The following CCDC88A variants were observed in gnomAD, a reference collection of about 807,000 sequenced individuals.
CCDC88A encodes girdin.
A neutral mutation model predicts 234.3 loss-of-function variants in CCDC88A; 54 were observed. That is an observed-to-expected ratio of 0.23 (90% CI 0.19 to 0.29). The LOEUF is 0.29. CCDC88A is among the 10% of genes least tolerant of loss of function. CCDC88A has a pLI of 1.00. For synonymous variants in CCDC88A, 753 were observed against 737.8 expected, an observed-to-expected ratio of 1.02 and a Z score of -0.33; for missense variants, 1,832 against 2,123.4, an observed-to-expected ratio of 0.86 and a Z score of 2.70.
chr2:55,396,444 T>TA (rs1047732190), intron 2 of CCDC88A, among the ~76,000 whole-genome samples: 41 of 152,336 alleles, frequency 2.7e-4, no homozygotes, highest in African/African-American at 9.1e-4. Flanking sequence ...ACTTTAGAGA[T>TA]ACCTGGTTTC....
intron 2 of CCDC88A, chr2:55,399,658 T>G (rs1283012150): frequency 1.3e-5 from 2 of 152,206 alleles, no homozygotes; most frequent in Non-Finnish European, 2.9e-5. Flanking sequence ...AAAACATTTT[T>G]TAAGGACTTT....
At chr2:55,327,313 T>A (rs879651420) in intron 17 of CCDC88A, among the ~76,000 whole-genome samples, 3 of 152,140 alleles carry the variant, frequency 2.0e-5, no homozygotes, top group Admixed American at 2.0e-4. Flanking sequence ...CAGCCCTATC[T>A]CTGAACTTCT....
At chr2:55,353,893 C>T (rs377590650) in intron 8 of CCDC88A, among the ~76,000 whole-genome samples, 1 of 152,104 alleles carries the variant, frequency 6.6e-6, no homozygotes, top group Non-Finnish European at 1.5e-5. Flanking sequence ...TACACTCTAA[C>T]GAGTTAGGCG....
Position 55,355,770 on chromosome 2 carries a change from T to A in CCDC88A, c.628-19A>T. On this transcript the variant is annotated intron_variant, in intron 7 of 32. Coordinates refer to ENST00000436346, the MANE Select transcript of CCDC88A (RefSeq NM_001365480.1). ...TGATAGTCTAGAAATACACACAGAA[T>A]CACTTTCAGTATTCTACATATTAGC... The A allele has an allele frequency of 1.3e-6, 2 of 1,594,754 alleles. No homozygotes were observed. The highest frequency in any genetic ancestry group is 1.7e-6 in the Non-Finnish European group (2 of 1,163,908).
intron 7 of CCDC88A, among the ~76,000 whole-genome samples, chr2:55,357,308 A>ATTCCTTCC (rs35015971): frequency 9.0e-4 from 132 of 145,914 alleles, no homozygotes; most frequent in East Asian, 1.9e-3. Context: ...CATCTCAAAA[A>ATTCCTTCC]TTCCTTCCTT....
intron 29 of CCDC88A, 200 bp from the exon 30 acceptor site, chr2:55,296,723 T>C (rs1680070677): frequency 6.7e-6 from 4 of 592,594 alleles, no homozygotes; most frequent in Non-Finnish European, 2.9e-6. Context: ...CCTTATTTTG[T>C]CAAACTGACA....
At chr2:55,393,320 A>G (rs1226507776) in intron 2 of CCDC88A, among the ~76,000 whole-genome samples, 1 of 109,566 alleles carries the variant, frequency 9.1e-6, no homozygotes, top group Non-Finnish European at 1.8e-5. Flanking sequence ...TTTGCGACAG[A>G]GTCCCAGTCT....
intron 3 of CCDC88A, among the ~76,000 whole-genome samples, chr2:55,384,532 C>CACAT (rs1558787609): frequency 2.9e-5 from 1 of 33,966 alleles, no homozygotes; most frequent in South Asian, 8.7e-4. Flanking sequence ...TATATATATA[C>CACAT]ATATATACGT....
chr2:55,374,643 C>T (rs1673343098), intron 4 of CCDC88A, among the ~76,000 whole-genome samples, 171 bp downstream of exon 4: 1 of 152,124 alleles, frequency 6.6e-6, no homozygotes, highest in Non-Finnish European at 1.5e-5. Context: ...TTACCTATAA[C>T]TTACAAATAT....
chr2:55,304,041 G>C (rs1681222473), intron 25 of CCDC88A, among the ~76,000 whole-genome samples: 1 of 152,208 alleles, frequency 6.6e-6, no homozygotes, highest in Non-Finnish European at 1.5e-5. Context: ...AGGAATGGTA[G>C]CTTCTGCCTG....
chr2:55,415,344 G>T (rs967021393), intron 2 of CCDC88A, among the ~76,000 whole-genome samples: 1 of 152,092 alleles, frequency 6.6e-6, no homozygotes, highest in Non-Finnish European at 1.5e-5. Flanking sequence ...ATTTCTACTG[G>T]TGGCCAGAGA....
intron 17 of CCDC88A, chr2:55,323,441 A>G (rs1332005016): frequency 6.6e-6 from 1 of 152,230 alleles, no homozygotes; most frequent in Non-Finnish European, 1.5e-5. Flanking sequence ...CCAATGAGTT[A>G]GAAAATAATG....
At position 55,325,708 on chromosome 2, in the gene CCDC88A, T is replaced by C. The variant is rs750329693; in HGVS notation, c.2997+2586A>G. Among the ~76,000 whole-genome samples, 6 of 152,234 alleles carry C rather than the reference T, an allele frequency of 3.9e-5. No individual in the cohort carries two copies. The East Asian group carries it at 5.8e-4, about 15-fold the overall frequency. On this transcript the variant is annotated intron_variant, in intron 17 of 32. Coordinates refer to ENST00000436346, the MANE Select transcript of CCDC88A (RefSeq NM_001365480.1). ...TTCTCCAATTATTGAGAGATGAGTA[T>C]TGAACTCTCTTACTGTAATTGTGGA...
Position 55,387,758 on chromosome 2 carries a change from G to C in CCDC88A, c.273+1020C>G, listed in dbSNP as rs374531609. Among the ~76,000 whole-genome samples, 8 of 145,244 alleles carry C rather than the reference G, an allele frequency of 5.5e-5. No homozygotes were observed. The East Asian group carries it at 7.9e-4, about 14-fold the overall frequency. On this transcript the variant is annotated intron_variant, in intron 3 of 32. Transcript: ENST00000436346. ...GATTGCGCCACTGCACTCCAGCCTG[G>C]GTGACAGTGAGGCTCCATCTCAAAA... is the stretch of plus-strand genomic sequence containing the variant.
intron 2 of CCDC88A, among the ~76,000 whole-genome samples, chr2:55,415,637 A>G (rs981674666): frequency 6.6e-6 from 1 of 152,104 alleles, no homozygotes; most frequent in Non-Finnish European, 1.5e-5. Flanking sequence ...CAGAGTACTT[A>G]ACAGAGTTGA....
In CCDC88A at chr2:55,322,616, C is replaced by G; in HGVS notation, c.3074G>C (p.Gly1025Ala). ...RMVQSSPPIS[G>A]EDNKWERESQ... ...TTCTCGCTCCCATTTGTTGTCTTCA[C>G]CAGATATTGGAGGAGAGCTCTGTAC... The change falls in exon 18 of 33, where the codon GGT becomes GCT. Residue 1025 changes from glycine to alanine, a missense_variant. By Grantham distance (60) the Gly-to-Ala change is moderately conservative. Transcript: ENST00000436346. 1.9e-6 allele frequency: 3 copies of G among 1,607,216 alleles called. No individual in the cohort carries two copies. Among genetic ancestry groups the G allele is most frequent in the Non-Finnish European group, 2.6e-6 (3 of 1,174,608 alleles).
chr2:55,324,033 C>G (rs1683959065), intron 17 of CCDC88A: 2 of 152,090 alleles, frequency 1.3e-5, no homozygotes, highest in East Asian at 3.9e-4. Flanking sequence ...CATTTTAAAC[C>G]CATTGTTCTT....
intron 8 of CCDC88A, among the ~76,000 whole-genome samples, chr2:55,352,308 T>C (rs1183830594): frequency 6.6e-6 from 1 of 151,948 alleles, no homozygotes; most frequent in East Asian, 1.9e-4. Flanking sequence ...TGCATGCCTG[T>C]AATCCCAGCT....
chr2:55,346,170 C>T lies in CCDC88A; in HGVS notation c.1041+5G>A. The T allele has an allele frequency of 6.3e-7, 1 of 1,582,702 alleles. No individual in the cohort carries two copies. The highest frequency in any genetic ancestry group is 8.6e-7 in the Non-Finnish European group (1 of 1,163,640). On this transcript the variant is annotated splice_donor_5th_base_variant and intron_variant, in intron 10 of 32. Coordinates refer to ENST00000436346, the MANE Select transcript of CCDC88A (RefSeq NM_001365480.1). ...AAATCATGAATGGTTAATTATGCAA[C>T]ATACCTCAACTCTTGCCTTATAAAA...
Sources: allele counts gnomAD v4.1 joint callset (sites outside exome capture counted in the v4.1 genomes callset), GRCh38; gene constraint gnomAD v4.1.1; transcripts MANE v1.5; gene names NCBI Gene and HGNC (gene_info 2026-07-23, HGNC 2026-07-21).